The following CNST variants were observed in gnomAD, a reference collection of about 807,000 sequenced individuals.
The protein encoded by CNST is consortin.
CNST carries 39 observed loss-of-function variants against 72.4 expected under a neutral mutation model. That is an observed-to-expected ratio of 0.54 (90% CI 0.42 to 0.70). The LOEUF (loss-of-function observed/expected upper bound fraction) is 0.70. Ranked by LOEUF, CNST falls within the 30% of genes least tolerant of loss-of-function variation. The pLI is 0.00. For synonymous variants in CNST, 332 were observed against 320.1 expected, an observed-to-expected ratio of 1.04 and a Z score of -0.40; for missense variants, 871 against 868.5, an observed-to-expected ratio of 1.00 and a Z score of -0.04.
intron 10 of CNST, among the ~76,000 whole-genome samples, chr1:246,660,669 G>A (rs1667052303): frequency 6.6e-6 from 1 of 152,220 alleles, no homozygotes; most frequent in South Asian, 2.1e-4. Flanking sequence ...GTTACAGTGA[G>A]CCAAGAGCGT....
chr1:246,634,771 G>A (rs1427405032), intron 6 of CNST, among the ~76,000 whole-genome samples, 184 bp downstream of exon 6: 2 of 152,240 alleles, frequency 1.3e-5, no homozygotes, highest in South Asian at 2.1e-4. Context: ...ACAGCACAAG[G>A]CGGTGTGGAG....
At chr1:246,654,824 T>G (rs535233030) in intron 9 of CNST, among the ~76,000 whole-genome samples, 167 of 2,150 alleles carry the variant, frequency 0.078, 1 homozygote, top group South Asian at 0.057. Context: ...CTTATCTGTG[T>G]TTTTTTTTTT....
intron 1 of CNST, among the ~76,000 whole-genome samples, chr1:246,569,180 A>G (rs1311522586): frequency 1.3e-5 from 2 of 152,220 alleles, no homozygotes; most frequent in Non-Finnish European, 2.9e-5. Context: ...ATTTTCTAGT[A>G]GTGGTATTAA....
chr1:246,627,165 G>A (rs961864495), intron 3 of CNST, among the ~76,000 whole-genome samples: 4 of 152,080 alleles, frequency 2.6e-5, no homozygotes, highest in African/African-American at 9.7e-5. Flanking sequence ...CTACATGACC[G>A]TCACTGTGAT....
chr1:246,636,866 G>A (rs1665295414), intron 6 of CNST, among the ~76,000 whole-genome samples: 1 of 152,184 alleles, frequency 6.6e-6, no homozygotes, highest in South Asian at 2.1e-4. Context: ...GGTGAGTGAA[G>A]GATTGTTGCA....
chr1:246,599,433 C>T (rs1436423801), intron 2 of CNST, among the ~76,000 whole-genome samples: 1 of 152,194 alleles, frequency 6.6e-6, no homozygotes, highest in Admixed American at 6.5e-5. Flanking sequence ...AGGCTTCCCA[C>T]ATTCCCCAGC....
intron 2 of CNST, among the ~76,000 whole-genome samples, chr1:246,615,410 C>T (rs1663621386): frequency 6.6e-6 from 1 of 151,794 alleles, no homozygotes; most frequent in Non-Finnish European, 1.5e-5. Context: ...CTCCTGACCT[C>T]GTGATCCGCC....
intron 8 of CNST, among the ~76,000 whole-genome samples, chr1:246,642,549 T>C (rs2103122308): frequency 6.6e-6 from 1 of 152,200 alleles, no homozygotes; most frequent in African/African-American, 2.4e-5. Flanking sequence ...TGTATACATT[T>C]CTAAAGCATT....
chr1:246,659,560 A>T (rs897958198), intron 9 of CNST, among the ~76,000 whole-genome samples: 1 of 151,306 alleles, frequency 6.6e-6, no homozygotes, highest in African/African-American at 2.4e-5. Context: ...GCGCCACTGC[A>T]CTCCAGCCTG....
intron 10 of CNST, among the ~76,000 whole-genome samples, chr1:246,665,421 G>A (rs1045879795): frequency 1.4e-4 from 21 of 152,204 alleles, no homozygotes; most frequent in African/African-American, 4.8e-4. Context: ...CTATGAGCAC[G>A]TGAGCTGTTT....
chr1:246,618,405 A>C (rs768330655), intron 2 of CNST, among the ~76,000 whole-genome samples: 28 of 152,196 alleles, frequency 1.8e-4, no homozygotes, highest in Non-Finnish European at 1.0e-4. Context: ...TCTCAAGGTA[A>C]GATGGTTTTG....
chr1:246,623,070 G>A (rs574831109), intron 3 of CNST, among the ~76,000 whole-genome samples: 14 of 152,234 alleles, frequency 9.2e-5, no homozygotes, highest in African/African-American at 3.1e-4. Flanking sequence ...TGATCCACCC[G>A]CCTCGGCCTT....
chr1:246,624,158 A>C (rs1664269807), intron 3 of CNST, among the ~76,000 whole-genome samples: 1 of 152,240 alleles, frequency 6.6e-6, no homozygotes, highest in African/African-American at 2.4e-5. Context: ...AACTTGAAGA[A>C]TGCCTTTGAG....
intron 1 of CNST, among the ~76,000 whole-genome samples, chr1:246,573,263 C>T (rs1383184499): frequency 1.3e-5 from 2 of 152,060 alleles, no homozygotes; most frequent in East Asian, 3.9e-4. Flanking sequence ...TGTAAAGAGC[C>T]AAAATTAGAG....
chr1:246,641,877 C>T, intron 7 of CNST, 64 bp from the exon 8 acceptor site: 1 of 1,392,658 alleles, frequency 7.2e-7, no homozygotes, highest in Non-Finnish European at 1.0e-6. Context: ...AAGTTATTTT[C>T]AGCTTCCTAG....
rs141534186 is a variant in CNST at position 246,640,918 on chromosome 1, G to T, written c.819-831G>T. On this transcript the variant is annotated intron_variant, in intron 6 of 10. Transcript: ENST00000366513. The stretch of plus-strand genomic sequence containing the variant: ...TATATGTCTATGTCACTACCACTCT[G>T]AGCAAGGTACAAGATATGGAACATT... 2.6e-3 allele frequency among the ~76,000 whole-genome samples: 397 copies of T among 152,222 alleles called. 3 individuals carry two copies. The highest frequency in any genetic ancestry group is 9.2e-3 in the African/African-American group (381 of 41,524).
chr1:246,645,671 T>C (rs1235816217), intron 8 of CNST, among the ~76,000 whole-genome samples: 2 of 150,988 alleles, frequency 1.3e-5, no homozygotes, highest in South Asian at 2.1e-4. Flanking sequence ...TCGTGATCCA[T>C]CCGCCTCGGC....
At chr1:246,568,098 C>T (rs1354407389) in intron 1 of CNST, among the ~76,000 whole-genome samples, 2 of 150,886 alleles carry the variant, frequency 1.3e-5, no homozygotes, top group African/African-American at 2.4e-5. Context: ...GCCGGGAGTT[C>T]GAAGCCAGAC....
intron 9 of CNST, among the ~76,000 whole-genome samples, chr1:246,659,706 A>T (rs1666980032): frequency 6.6e-6 from 1 of 152,230 alleles, no homozygotes; most frequent in Non-Finnish European, 1.5e-5. Flanking sequence ...TCTCAGAGAA[A>T]CTGAGGACAA....
Sources: allele counts gnomAD v4.1 joint callset (sites outside exome capture counted in the v4.1 genomes callset), GRCh38; gene constraint gnomAD v4.1.1; transcripts MANE v1.5; gene names NCBI Gene and HGNC (gene_info 2026-07-23, HGNC 2026-07-21).